Variants in PSME4 observed in about 807,000 individuals in gnomAD.
The protein encoded by PSME4 is proteasome activator complex subunit 4.
In PSME4, 89 loss-of-function variants were observed where a neutral mutation model predicts 253.9. That is an observed-to-expected ratio of 0.35 (90% CI 0.30 to 0.42). The LOEUF is 0.42. Ranked by LOEUF, PSME4 falls within the 10% of genes least tolerant of loss-of-function variation. PSME4 has a pLI of 1.00. For missense variants in PSME4, 2,014 were observed against 2,195.2 expected, an observed-to-expected ratio of 0.92 and a Z score of 1.65; for synonymous variants, 851 against 759.2, an observed-to-expected ratio of 1.12 and a Z score of -1.99.
intron 1 of PSME4, among the ~76,000 whole-genome samples, chr2:53,961,885 T>C (rs532589339): frequency 3.9e-5 from 6 of 152,340 alleles, no homozygotes; most frequent in African/African-American, 1.4e-4. Context: ...TACTGTTGTG[T>C]CCGGTTTCCA....
intron 40 of PSME4, among the ~76,000 whole-genome samples, chr2:53,886,474 T>A (rs190043606): frequency 1.3e-5 from 2 of 152,306 alleles, no homozygotes; most frequent in Non-Finnish European, 2.9e-5. Flanking sequence ...TCAGTAATCA[T>A]TAGGGAAATG....
chr2:53,933,686 T>C (rs72799268), intron 8 of PSME4, among the ~76,000 whole-genome samples: 11,572 of 152,254 alleles, frequency 0.076, 635 homozygotes, highest in East Asian at 0.26. Context: ...TCAGCCATAT[T>C]TTCACACTTA....
chr2:53,879,145 T>A (rs2104416870), intron 41 of PSME4, among the ~76,000 whole-genome samples: 1 of 152,312 alleles, frequency 6.6e-6, no homozygotes, highest in East Asian at 1.9e-4. Flanking sequence ...GGGGGTGAAT[T>A]TCCCCCAATA....
At chr2:53,936,046 A>ACCC (rs1295878807) in intron 7 of PSME4, 41 bp downstream of exon 7, 1 of 1,582,246 alleles carries the variant, frequency 6.3e-7, no homozygotes, top group Non-Finnish European at 8.6e-7. Flanking sequence ...GGCGCCTACC[A>ACCC]CCCCATGCCT....
intron 36 of PSME4, among the ~76,000 whole-genome samples, chr2:53,890,449 G>GGT (rs1389287466): frequency 6.6e-6 from 1 of 152,160 alleles, no homozygotes; most frequent in African/African-American, 2.4e-5. Context: ...ATGGACTATA[G>GGT]GTGTGTGCCA....
intron 29 of PSME4, among the ~76,000 whole-genome samples, chr2:53,899,504 C>CTATA: frequency 6.6e-6 from 1 of 152,082 alleles, no homozygotes; most frequent in South Asian, 2.1e-4. Context: ...TGTTATACAT[C>CTATA]TATATTTTAG....
intron 29 of PSME4, among the ~76,000 whole-genome samples, chr2:53,898,633 G>GCACACACA (rs199900623): frequency 5.8e-4 from 82 of 142,500 alleles, no homozygotes; most frequent in Middle Eastern, 7.1e-3. Flanking sequence ...ATTGGGAGTG[G>GCACACACA]CACACACACA....
intron 3 of PSME4, among the ~76,000 whole-genome samples, chr2:53,940,968 T>TAC (rs1558413945): frequency 4.3e-5 from 3 of 70,548 alleles, no homozygotes; most frequent in Non-Finnish European, 9.3e-5. Flanking sequence ...TATATATATA[T>TAC]ATATATATAT....
chr2:53,864,934 C>G lies in PSME4; in HGVS notation c.*644G>C, dbSNP rs1189572501. ...ACACACAACAATCAGATTTCTTCAC[C>G]AAACCCCCAATTTTTTAGCAACTGG... On this transcript the variant is annotated 3_prime_UTR_variant, in exon 47 of 47. Coordinates refer to ENST00000404125, the MANE Select transcript of PSME4 (RefSeq NM_014614.3). 6.6e-6 allele frequency: 1 copy of G among 152,552 alleles called. No individual in the cohort carries two copies. The highest frequency in any genetic ancestry group is 1.5e-5 in the Non-Finnish European group (1 of 68,028). 9.4% of individuals were successfully genotyped at this position (152,552 alleles called of 1,614,324 possible). A position where few individuals can be genotyped will look rare whatever the true frequency, so the allele number is the denominator to read the frequency against.
chr2:53,936,512 G>C (rs1044483979), intron 6 of PSME4, among the ~76,000 whole-genome samples: 6 of 152,080 alleles, frequency 3.9e-5, no homozygotes, highest in African/African-American at 1.4e-4. Context: ...TACATTTCAT[G>C]CATTTTACAA....
At chr2:53,953,036 CAG>C (rs1259057212) in intron 1 of PSME4, among the ~76,000 whole-genome samples, 2 of 152,136 alleles carry the variant, frequency 1.3e-5, no homozygotes, top group Admixed American at 1.3e-4. Flanking sequence ...AAGAGACCAA[CAG>C]GGGGATTCCT....
intron 4 of PSME4, 116 bp downstream of exon 4, chr2:53,939,840 T>C: frequency 1.2e-6 from 1 of 827,246 alleles, no homozygotes; most frequent in Non-Finnish European, 1.9e-6. Context: ...GCTCAGTGAC[T>C]AACATCACAA....
At chr2:53,956,869 C>T (rs1189425879) in intron 1 of PSME4, among the ~76,000 whole-genome samples, 1 of 151,894 alleles carries the variant, frequency 6.6e-6, no homozygotes, top group Non-Finnish European at 1.5e-5. Flanking sequence ...TTTAAATGTC[C>T]CTTATCAAAG....
chr2:53,897,439 G>A (rs574200305), intron 31 of PSME4, among the ~76,000 whole-genome samples: 68 of 152,128 alleles, frequency 4.5e-4, no homozygotes, highest in African/African-American at 1.4e-3. Context: ...AAAGTGCTGG[G>A]ATTACAGGCA....
chr2:53,946,991 G>A (rs992377433), intron 3 of PSME4, among the ~76,000 whole-genome samples: 2 of 152,146 alleles, frequency 1.3e-5, no homozygotes, highest in Non-Finnish European at 2.9e-5. Flanking sequence ...AAGCATACTT[G>A]CACAATGCAC....
intron 1 of PSME4, among the ~76,000 whole-genome samples, chr2:53,966,492 T>C (rs1342890899): frequency 1.3e-5 from 2 of 151,540 alleles, no homozygotes; most frequent in Non-Finnish European, 2.9e-5. Context: ...GGAAACCCTG[T>C]CTCTACTAAA....
At position 53,942,374 on chromosome 2, in the gene PSME4, T is replaced by C. The variant is rs180694745; in HGVS notation, c.501-2374A>G. ...TAACAATTCAAAACACTTGTTTTTTTTTTTAAAATCAAAAGGGATCTACAG... is the reference window on the plus strand; with the variant it reads ...TAACAATTCAAAACACTTGTTTTTTCTTTTAAAATCAAAAGGGATCTACAG... On this transcript the variant is annotated intron_variant, in intron 3 of 46. Coordinates refer to ENST00000404125, the MANE Select transcript of PSME4 (RefSeq NM_014614.3). The C allele has an allele frequency of 2.9e-3, 439 of 152,616 alleles. 2 individuals carry two copies. The highest frequency in any genetic ancestry group is 4.5e-3 in the Non-Finnish European group (305 of 67,966). The allele number at this position is 152,616 out of a possible 1,614,324, so 9.5% of individuals were successfully genotyped here.
intron 44 of PSME4, among the ~76,000 whole-genome samples, chr2:53,867,878 T>C (rs931975858): frequency 6.6e-6 from 1 of 152,094 alleles, no homozygotes; most frequent in Admixed American, 6.5e-5. Context: ...TGTCTATTTC[T>C]TAAAACAGAG....
intron 43 of PSME4, among the ~76,000 whole-genome samples, chr2:53,871,411 G>A (rs1217275277): frequency 6.6e-6 from 1 of 151,922 alleles, no homozygotes; most frequent in African/African-American, 2.4e-5. Flanking sequence ...CCGCTGCCAC[G>A]CCTGGCTAAT....
Sources: allele counts gnomAD v4.1 joint callset (sites outside exome capture counted in the v4.1 genomes callset), GRCh38; gene constraint gnomAD v4.1.1; transcripts MANE v1.5; gene names NCBI Gene and HGNC (gene_info 2026-07-23, HGNC 2026-07-21).